TMEM200A: variants seen among roughly 807,000 people sequenced by gnomAD.
TMEM200A encodes transmembrane protein 200A, also known as two transmembrane C.
TMEM200A carries 12 observed loss-of-function variants against 24.3 expected under a neutral mutation model. The ratio of observed to expected loss-of-function variants is 0.49; its 90% CI spans 0.32 to 0.80. The LOEUF is 0.80. TMEM200A is among the 30% of genes least tolerant of loss of function. The probability of loss-of-function intolerance (pLI) is 0.04; values close to 1 mark genes in which losing one functional copy is unlikely to be tolerated. For missense variants in TMEM200A, 545 were observed against 614.4 expected, an observed-to-expected ratio of 0.89 and a Z score of 1.19; for synonymous variants, 224 against 224.4, an observed-to-expected ratio of 1.00 and a Z score of 0.02.
chr6:130,405,742 C>A (rs1159939607), intron 2 of TMEM200A, among the ~76,000 whole-genome samples: 2 of 152,196 alleles, frequency 1.3e-5, no homozygotes, highest in African/African-American at 2.4e-5. Context: ...CTTGTGCACA[C>A]CTGGTGTGTC....
chr6:130,423,027 A>G (rs1310186083), intron 2 of TMEM200A, among the ~76,000 whole-genome samples: 1 of 152,228 alleles, frequency 6.6e-6, no homozygotes, highest in Non-Finnish European at 1.5e-5. Flanking sequence ...AAGTAATTTG[A>G]CTTTTTAGAA....
At chr6:130,406,895 C>T (rs374404966) in intron 2 of TMEM200A, among the ~76,000 whole-genome samples, 2 of 152,174 alleles carry the variant, frequency 1.3e-5, no homozygotes. Flanking sequence ...TGGCTGATCT[C>T]TCCACGTTTT....
At chr6:130,434,868 T>A (rs1235206624) in intron 2 of TMEM200A, among the ~76,000 whole-genome samples, 1 of 152,038 alleles carries the variant, frequency 6.6e-6, no homozygotes, top group Non-Finnish European at 1.5e-5. Flanking sequence ...AAAATAAGAT[T>A]TTCTACAGAT....
intron 1 of TMEM200A, among the ~76,000 whole-genome samples, chr6:130,378,926 G>C (rs542663279): frequency 2.0e-5 from 3 of 152,106 alleles, no homozygotes; most frequent in East Asian, 1.9e-4. Context: ...GCAATATCAG[G>C]GTGCTGGCAA....
At chr6:130,375,302 CTG>C (rs1365975664) in intron 1 of TMEM200A, among the ~76,000 whole-genome samples, 2 of 152,114 alleles carry the variant, frequency 1.3e-5, no homozygotes, top group Non-Finnish European at 2.9e-5. Flanking sequence ...ACGCAGAACA[CTG>C]TGTAGGAATT....
intron 1 of TMEM200A, among the ~76,000 whole-genome samples, chr6:130,374,664 T>C (rs993221839): frequency 1.3e-5 from 2 of 152,102 alleles, no homozygotes; most frequent in Non-Finnish European, 2.9e-5. Context: ...CCTCAGGTAA[T>C]CCACCCACCT....
chr6:130,373,162 A>C (rs1169163100), intron 1 of TMEM200A, among the ~76,000 whole-genome samples: 1 of 152,248 alleles, frequency 6.6e-6, no homozygotes, highest in African/African-American at 2.4e-5. Context: ...AGGTTGGCAT[A>C]GGAGAGACAC....
intron 2 of TMEM200A, among the ~76,000 whole-genome samples, chr6:130,432,482 A>G (rs1252791386): frequency 6.6e-6 from 1 of 152,218 alleles, no homozygotes; most frequent in African/African-American, 2.4e-5. Flanking sequence ...TGCTTTTGCC[A>G]CTAAAATATA....
intron 2 of TMEM200A, among the ~76,000 whole-genome samples, chr6:130,415,693 G>A (rs1330951920): frequency 6.6e-6 from 1 of 152,042 alleles, no homozygotes; most frequent in East Asian, 1.9e-4. Flanking sequence ...TCCTTTTCCT[G>A]CTGCCACTAG....
rs751806113 is a variant in TMEM200A at position 130,440,782 on chromosome 6, G to A, written c.360G>A (p.Leu120=). Residue 120 remains leucine (L), a synonymous_variant, in exon 3 of 3, where the codon TTG becomes TTA. Transcript: ENST00000296978. ...TGGTTCGCTTCTTTGAGCAGCATTT[G>A]CATTCTGATAAGATGAAAATGCTTG... is the stretch of plus-strand genomic sequence containing the variant. ...GVVVRFFEQH[L]HSDKMKMLGP... is the part of the protein sequence containing the mutation. The A allele has an allele frequency of 1.2e-6, 2 of 1,613,946 alleles. No individual in the cohort carries two copies. Among genetic ancestry groups the A allele is most frequent in the South Asian group, 2.2e-5 (2 of 91,080 alleles).
At chr6:130,440,375 A>T (rs1272570881) in intron 2 of TMEM200A, 32 bp from the exon 3 acceptor site, 2 of 1,500,756 alleles carry the variant, frequency 1.3e-6, no homozygotes, top group East Asian at 4.6e-5. Context: ...ACATATTTAC[A>T]TCATCTTTTT....
chr6:130,398,525 G>A (rs1779006084), intron 2 of TMEM200A, among the ~76,000 whole-genome samples: 1 of 151,866 alleles, frequency 6.6e-6, no homozygotes, highest in Middle Eastern at 3.2e-3. Context: ...TTGCTGGGTT[G>A]AATGGTAGTT....
At chr6:130,391,357 A>G (rs1043771330) in intron 2 of TMEM200A, among the ~76,000 whole-genome samples, 14 of 152,294 alleles carry the variant, frequency 9.2e-5, no homozygotes, top group African/African-American at 3.4e-4. Flanking sequence ...CATTAATGCC[A>G]CCACCTTCTC....
At chr6:130,370,423 G>A (rs114125924) in intron 1 of TMEM200A, among the ~76,000 whole-genome samples, 2,894 of 152,214 alleles carry the variant, frequency 0.019, 89 homozygotes, top group African/African-American at 0.065. Context: ...GAGGAGGCTG[G>A]TAGGGCACTA....
In TMEM200A at chr6:130,440,818, C is replaced by T; in HGVS notation, c.396C>T (p.Thr132=). ...AGATGAAAATGCTTGGCCCATTCAC[C>T]ATGGGGATTGGCATTTTCATTTTCA... is the stretch of plus-strand genomic sequence containing the variant. The part of the protein sequence containing the change: ...SDKMKMLGPF[T]MGIGIFIFIC... Residue 132 remains threonine (T), a synonymous_variant, in exon 3 of 3, where the codon ACC becomes ACT. Transcript: ENST00000296978. The T allele has an allele frequency of 1.9e-6, 3 of 1,613,878 alleles. No individual in the cohort carries two copies. The highest frequency in any genetic ancestry group is 2.5e-6 in the Non-Finnish European group (3 of 1,179,866).
intron 2 of TMEM200A, among the ~76,000 whole-genome samples, chr6:130,404,792 TGGGTTTTA>T (rs1779169317): frequency 6.6e-6 from 1 of 152,178 alleles, no homozygotes; most frequent in Non-Finnish European, 1.5e-5. Flanking sequence ...TTTATAGTTT[TGGGTTTTA>T]CATTTAAGTC....
intron 2 of TMEM200A, among the ~76,000 whole-genome samples, chr6:130,421,855 G>A (rs1431156943): frequency 1.3e-5 from 2 of 152,060 alleles, no homozygotes; most frequent in Non-Finnish European, 2.9e-5. Flanking sequence ...TGCCACAAAT[G>A]GGAGGCTTGC....
At chr6:130,397,397 T>C (rs895633822) in intron 2 of TMEM200A, among the ~76,000 whole-genome samples, 1 of 152,148 alleles carries the variant, frequency 6.6e-6, no homozygotes. Context: ...TTGCTTTCTA[T>C]ATTTTAAACT....
chr6:130,412,796 C>A (rs988247278), intron 2 of TMEM200A, among the ~76,000 whole-genome samples: 1 of 152,132 alleles, frequency 6.6e-6, no homozygotes, highest in African/African-American at 2.4e-5. Flanking sequence ...GTTTGCCAAA[C>A]ACAAAACATC....
Sources: allele counts gnomAD v4.1 joint callset (sites outside exome capture counted in the v4.1 genomes callset), GRCh38; gene constraint gnomAD v4.1.1; transcripts MANE v1.5; gene names NCBI Gene and HGNC (gene_info 2026-07-23, HGNC 2026-07-21).